Variants in GRM7 observed in about 807,000 individuals in gnomAD.
GRM7 encodes glutamate metabotropic receptor 7, also known as metabotropic glutamate receptor 7.
A neutral mutation model predicts 84.5 loss-of-function variants in GRM7; 35 were observed. The ratio of observed to expected loss-of-function variants is 0.41; its 90% CI spans 0.32 to 0.55. GRM7 has a LOEUF of 0.55. Among genes scored for constraint, GRM7 ranks in the 20% least tolerant of loss-of-function variants. The pLI, the probability that GRM7 is intolerant of heterozygous loss-of-function variation, is 0.19. For synonymous variants in GRM7, 487 were observed against 455.1 expected, an observed-to-expected ratio of 1.07 and a Z score of -0.89; for missense variants, 1,003 against 1,194.6, an observed-to-expected ratio of 0.84 and a Z score of 2.36.
intron 8 of GRM7, among the ~76,000 whole-genome samples, chr3:7,677,930 G>A (rs921935377): frequency 6.6e-6 from 1 of 152,084 alleles, no homozygotes; most frequent in Non-Finnish European, 1.5e-5. Flanking sequence ...CCATAAAAAA[G>A]AACAAACCAT....
At chr3:7,625,989 T>C (rs1697589863) in intron 8 of GRM7, among the ~76,000 whole-genome samples, 1 of 152,100 alleles carries the variant, frequency 6.6e-6, no homozygotes, top group Non-Finnish European at 1.5e-5. Flanking sequence ...AGATTGTCCT[T>C]ATAGCTGAGA....
At chr3:7,247,070 C>A (rs1213394718) in intron 2 of GRM7, among the ~76,000 whole-genome samples, 1 of 152,012 alleles carries the variant, frequency 6.6e-6, no homozygotes. Flanking sequence ...AAAATCTTTT[C>A]AATCTATATT....
At chr3:7,320,719 T>TGTGC (rs910693056) in intron 4 of GRM7, among the ~76,000 whole-genome samples, 3 of 151,232 alleles carry the variant, frequency 2.0e-5, no homozygotes, top group Non-Finnish European at 4.4e-5. Context: ...TGTGTGTGTG[T>TGTGC]GCAACTTCTT....
At chr3:7,232,274 C>T (rs1346590049) in intron 2 of GRM7, among the ~76,000 whole-genome samples, 1 of 151,794 alleles carries the variant, frequency 6.6e-6, no homozygotes, top group African/African-American at 2.4e-5. Flanking sequence ...GTTGAATTCA[C>T]TCTGTTGGTT....
chr3:7,499,153 C>T (rs1042095985), intron 7 of GRM7, among the ~76,000 whole-genome samples: 7 of 152,140 alleles, frequency 4.6e-5, no homozygotes, highest in Non-Finnish European at 8.8e-5. Flanking sequence ...CCTTGGATAT[C>T]TCTAACTTCC....
chr3:7,645,366 G>A, intron 8 of GRM7, among the ~76,000 whole-genome samples: 1 of 151,694 alleles, frequency 6.6e-6, no homozygotes, highest in Admixed American at 6.6e-5. Context: ...GGCCAACATG[G>A]TGAAACCCCG....
chr3:7,100,053 A>G (rs1048277314), intron 1 of GRM7, among the ~76,000 whole-genome samples: 13 of 150,184 alleles, frequency 8.7e-5, no homozygotes, highest in African/African-American at 2.9e-4. Context: ...ATTACATATA[A>G]TATATATGTA....
At chr3:7,187,854 T>C (rs975590980) in intron 2 of GRM7, among the ~76,000 whole-genome samples, 2 of 152,134 alleles carry the variant, frequency 1.3e-5, no homozygotes, top group Admixed American at 1.3e-4. Flanking sequence ...CCCAGCCCTG[T>C]TTTAGCTAGT....
chr3:7,686,204 G>T (rs572191603), intron 9 of GRM7, among the ~76,000 whole-genome samples: 40 of 152,138 alleles, frequency 2.6e-4, no homozygotes, highest in Admixed American at 7.2e-4. Flanking sequence ...AGGTGACCTG[G>T]TCTACCAAAG....
chr3:7,543,991 G>A (rs1693020751), intron 7 of GRM7, among the ~76,000 whole-genome samples: 1 of 152,152 alleles, frequency 6.6e-6, no homozygotes, highest in Non-Finnish European at 1.5e-5. Context: ...CCACAATTAT[G>A]TCAGGAAATC....
At chr3:6,913,407 C>A (rs1459555196) in intron 1 of GRM7, among the ~76,000 whole-genome samples, 2 of 152,096 alleles carry the variant, frequency 1.3e-5, no homozygotes. Context: ...AGGTTACCAA[C>A]TTAGAAAAGT....
intron 4 of GRM7, among the ~76,000 whole-genome samples, chr3:7,382,895 C>A (rs1200833488): frequency 6.6e-6 from 1 of 152,214 alleles, no homozygotes; most frequent in African/African-American, 2.4e-5. Flanking sequence ...TCATTTACAT[C>A]TCATTTCACA....
intron 8 of GRM7, among the ~76,000 whole-genome samples, chr3:7,651,432 G>A (rs375067988): frequency 6.6e-6 from 1 of 152,174 alleles, no homozygotes. Flanking sequence ...ATTATTTATA[G>A]GCTTCTTAAT....
chr3:7,081,594 C>G (rs1230671462), intron 1 of GRM7, among the ~76,000 whole-genome samples: 1 of 152,064 alleles, frequency 6.6e-6, no homozygotes, highest in Non-Finnish European at 1.5e-5. Flanking sequence ...AATCACACAT[C>G]TCTCACTTTA....
At chr3:7,131,175 T>G (rs768237300) in intron 1 of GRM7, among the ~76,000 whole-genome samples, 2 of 152,178 alleles carry the variant, frequency 1.3e-5, no homozygotes, top group Non-Finnish European at 2.9e-5. Context: ...CTGTGATCTG[T>G]AGGCAGAAGT....
chr3:7,343,555 A>G (rs775327995), intron 4 of GRM7, among the ~76,000 whole-genome samples: 4 of 152,120 alleles, frequency 2.6e-5, no homozygotes, highest in Non-Finnish European at 5.9e-5. Flanking sequence ...AAATTGCTTG[A>G]TTTTTTTATT....
chr3:7,393,862 G>C (rs1695100922), intron 4 of GRM7, among the ~76,000 whole-genome samples: 2 of 152,124 alleles, frequency 1.3e-5, no homozygotes, highest in South Asian at 4.1e-4. Context: ...ATCTTGAAGA[G>C]ACCAGCACCA....
At chr3:7,532,192 T>C (rs943533454) in intron 7 of GRM7, among the ~76,000 whole-genome samples, 1 of 152,194 alleles carries the variant, frequency 6.6e-6, no homozygotes, top group Non-Finnish European at 1.5e-5. Flanking sequence ...TCAGAAGGAA[T>C]GGTACCAGCT....
chr3:7,696,963 C>T (rs1390083430), intron 9 of GRM7, among the ~76,000 whole-genome samples: 2 of 152,134 alleles, frequency 1.3e-5, no homozygotes, highest in South Asian at 4.1e-4. Context: ...CAGGCCAGTT[C>T]TATCAATCGG....
Sources: allele counts gnomAD v4.1 joint callset (sites outside exome capture counted in the v4.1 genomes callset), GRCh38; gene constraint gnomAD v4.1.1; transcripts MANE v1.5; gene names NCBI Gene and HGNC (gene_info 2026-07-23, HGNC 2026-07-21).